The following LIMCH1 variants were observed in gnomAD, a reference collection of about 807,000 sequenced individuals.
The protein encoded by LIMCH1 is LIM and calponin homology domains-containing protein 1.
Under a neutral mutation model 176.5 loss-of-function variants are expected in LIMCH1, and 113 were observed. That is an observed-to-expected ratio of 0.64 (90% CI 0.55 to 0.75). The LOEUF (loss-of-function observed/expected upper bound fraction) is 0.75. Among genes scored for constraint, LIMCH1 ranks in the 30% least tolerant of loss-of-function variants. The probability of loss-of-function intolerance (pLI) is 0.00; values close to 1 mark genes in which losing one functional copy is unlikely to be tolerated. For missense variants in LIMCH1, 1,674 were observed against 1,814.9 expected, an observed-to-expected ratio of 0.92 and a Z score of 1.41; for synonymous variants, 619 against 645.9, an observed-to-expected ratio of 0.96 and a Z score of 0.63.
At chr4:41,631,112 C>T in intron 9 of LIMCH1, 36 bp from the exon 10 acceptor site, 2 of 1,393,706 alleles carry the variant, frequency 1.4e-6, no homozygotes, top group African/African-American at 1.5e-5. Flanking sequence ...GATTTGTACT[C>T]AGACACTTTT....
At position 41,625,792 on chromosome 4, in the gene LIMCH1, A is replaced by G. The variant is rs533050502; in HGVS notation, c.726-916A>G. ...TTCTCCCTGCTCAAATTGGCATCGC[A>G]AATTGGCAGGGTCATTTGCATAAAT... On this transcript the variant is annotated intron_variant, in intron 7 of 31. Transcript: ENST00000503057. 5.3e-5 allele frequency among the ~76,000 whole-genome samples: 8 copies of G among 152,322 alleles called. 1 individual carries two copies. The South Asian group carries it at 1.7e-3, about 32-fold the overall frequency.
intron 1 of LIMCH1, among the ~76,000 whole-genome samples, chr4:41,569,788 A>T (rs562170764): frequency 3.9e-5 from 6 of 152,240 alleles, no homozygotes; most frequent in Non-Finnish European, 8.8e-5. Flanking sequence ...CTAAAAGCAG[A>T]TTCTCAATAT....
At chr4:41,470,464 T>C (rs2066784793) in intron 1 of LIMCH1, among the ~76,000 whole-genome samples, 1 of 152,220 alleles carries the variant, frequency 6.6e-6, no homozygotes, top group Non-Finnish European at 1.5e-5. Context: ...CTCTACTGGG[T>C]CATTCCTTTA....
chr4:41,492,414 CA>C (rs1484216985), intron 1 of LIMCH1, among the ~76,000 whole-genome samples: 1 of 137,400 alleles, frequency 7.3e-6, no homozygotes, highest in African/African-American at 2.8e-5. Flanking sequence ...GGAGAGGCTC[CA>C]CAAGAGAGGG....
At position 41,699,864 on chromosome 4, in the gene LIMCH1, C is replaced by T. The variant is rs1369311768; in HGVS notation, c.*2679C>T. ...AAATGATCCACCTCATATGTGAGTC[C>T]GTCCAAAAGATGTTACTGCTCTGGG... is the stretch of plus-strand genomic sequence containing the variant. On this transcript the variant is annotated 3_prime_UTR_variant, in exon 32 of 32. Coordinates refer to ENST00000503057, the MANE Select transcript of LIMCH1 (RefSeq NM_001330672.2). The T allele has an allele frequency of 3.3e-5, 5 of 151,892 alleles. No individual in the cohort carries two copies. Among genetic ancestry groups the T allele is most frequent in the African/African-American group, 9.7e-5 (4 of 41,352 alleles). The allele number at this position is 151,892 out of a possible 1,614,324, so 9.4% of individuals were successfully genotyped here.
At chr4:41,507,864 AG>A (rs1278262402) in intron 2 of LIMCH1, among the ~76,000 whole-genome samples, 1 of 77,032 alleles carries the variant, frequency 1.3e-5, no homozygotes, top group Non-Finnish European at 2.6e-5. Flanking sequence ...TGGTGGTGGG[AG>A]GGGGGCGGGC....
intron 4 of LIMCH1, chr4:41,613,254 G>T (rs1449161119): frequency 2.3e-6 from 2 of 876,822 alleles, no homozygotes; most frequent in Admixed American, 5.2e-5. Flanking sequence ...AAAACGTTGT[G>T]CATGATTTTC....
chr4:41,669,307 A>C (rs970494936), intron 21 of LIMCH1, among the ~76,000 whole-genome samples: 3 of 152,234 alleles, frequency 2.0e-5, no homozygotes, highest in Admixed American at 1.3e-4. Context: ...AAGCATTCAT[A>C]ATGTATTCTA....
intron 1 of LIMCH1, among the ~76,000 whole-genome samples, chr4:41,371,613 T>C (rs534898768): frequency 1.5e-4 from 22 of 149,480 alleles, no homozygotes; most frequent in Non-Finnish European, 3.1e-4. Flanking sequence ...GTATTCTGTT[T>C]AGTCTTTGTG....
At chr4:41,477,566 G>A (rs766153275) in intron 1 of LIMCH1, among the ~76,000 whole-genome samples, 4 of 152,236 alleles carry the variant, frequency 2.6e-5, no homozygotes, top group Non-Finnish European at 5.9e-5. Context: ...AGAAGAGCCT[G>A]TAGTTTCGTG....
At chr4:41,462,517 T>A (rs1264495418) in intron 1 of LIMCH1, among the ~76,000 whole-genome samples, 1 of 152,172 alleles carries the variant, frequency 6.6e-6, no homozygotes, top group Non-Finnish European at 1.5e-5. Flanking sequence ...ACAGGAATCA[T>A]GAGAGCACTT....
upstream of LIMCH1, among the ~76,000 whole-genome samples, chr4:41,360,085 G>A (rs962838677): frequency 6.6e-6 from 1 of 151,226 alleles, no homozygotes; most frequent in Non-Finnish European, 1.5e-5. The surrounding 1 kb of genome is among the most constrained non-coding windows in gnomAD (Gnocchi z 4.5). Flanking sequence ...CCAGCGCCTG[G>A]CCCAGTGCCT....
intron 1 of LIMCH1, among the ~76,000 whole-genome samples, chr4:41,413,808 G>A (rs994975629): frequency 2.0e-5 from 3 of 152,110 alleles, no homozygotes; most frequent in African/African-American, 4.8e-5. Flanking sequence ...ACCTCAAGTA[G>A]GAGGAGGATA....
At position 41,699,911 on chromosome 4, in the gene LIMCH1, T is replaced by C. The variant is rs184407196; in HGVS notation, c.*2726T>C. 1 of 152,304 alleles carries C rather than the reference T, an allele frequency of 6.6e-6. No individual in the cohort carries two copies. Among genetic ancestry groups the C allele is most frequent in the East Asian group, 1.9e-4 (1 of 5,190 alleles). The allele number at this position is 152,304 out of a possible 1,614,324, so 9.4% of individuals were successfully genotyped here. A position where few individuals can be genotyped will look rare whatever the true frequency, so the allele number is the denominator to read the frequency against. ...TGGGTGGGCCAGTGTTCTATATCGG[T>C]TATACTAACTTTCATTTAAAGTATT... On this transcript the variant is annotated 3_prime_UTR_variant, in exon 32 of 32. Coordinates refer to ENST00000503057, the MANE Select transcript of LIMCH1 (RefSeq NM_001330672.2).
At chr4:41,601,253 C>T (rs2089869888) in intron 2 of LIMCH1, among the ~76,000 whole-genome samples, 1 of 152,102 alleles carries the variant, frequency 6.6e-6, no homozygotes, top group Admixed American at 6.6e-5. Context: ...AAATGAGAAG[C>T]AAAGAAGTAA....
chr4:41,579,718 A>C (rs1369095166), intron 1 of LIMCH1, among the ~76,000 whole-genome samples: 2 of 152,226 alleles, frequency 1.3e-5, no homozygotes, highest in Admixed American at 6.5e-5. Context: ...CTGTACACTC[A>C]GTGTTTTAAG....
At chr4:41,374,417 C>G (rs2054424094) in intron 1 of LIMCH1, among the ~76,000 whole-genome samples, 1 of 152,198 alleles carries the variant, frequency 6.6e-6, no homozygotes, top group African/African-American at 2.4e-5. Flanking sequence ...GGTTCCCAAG[C>G]AGCCTGATGA....
At chr4:41,584,676 T>A (rs1012537302) in intron 1 of LIMCH1, among the ~76,000 whole-genome samples, 35 of 152,196 alleles carry the variant, frequency 2.3e-4, no homozygotes, top group African/African-American at 8.4e-4. Flanking sequence ...TTGCTGTTTT[T>A]TTTGTTTGTT....
At chr4:41,584,564 A>G (rs1262377546) in intron 1 of LIMCH1, among the ~76,000 whole-genome samples, 3 of 152,214 alleles carry the variant, frequency 2.0e-5, no homozygotes, top group African/African-American at 4.8e-5. Context: ...TAGTCTAAAC[A>G]TTATGAACTC....
Sources: allele counts gnomAD v4.1 joint callset (sites outside exome capture counted in the v4.1 genomes callset), GRCh38; gene constraint gnomAD v4.1.1; non-coding constraint Gnocchi (gnomAD v3.1); transcripts MANE v1.5; gene names NCBI Gene and HGNC (gene_info 2026-07-23, HGNC 2026-07-21).